Variants in DYTN observed in about 807,000 individuals in gnomAD.
The protein encoded by DYTN is dystrotelin.
DYTN carries 75 observed loss-of-function variants against 69.6 expected under a neutral mutation model. That is an observed-to-expected ratio of 1.08 (90% CI 0.89 to 1.31). The LOEUF is 1.31. DYTN is among the 50% of genes most tolerant of loss of function. DYTN has a pLI of 0.00. For synonymous variants in DYTN, 252 were observed against 249.1 expected, an observed-to-expected ratio of 1.01 and a Z score of -0.11; for missense variants, 726 against 688.4, an observed-to-expected ratio of 1.05 and a Z score of -0.61.
chr2:206,669,984 C>T (rs1574589968), intron 9 of DYTN, among the ~76,000 whole-genome samples: 2 of 152,184 alleles, frequency 1.3e-5, no homozygotes, highest in Admixed American at 1.3e-4. Flanking sequence ...TCAGGGGAAA[C>T]TTCTTACTGG....
intron 9 of DYTN, among the ~76,000 whole-genome samples, chr2:206,679,600 T>C (rs534086901): frequency 2.0e-5 from 3 of 152,344 alleles, no homozygotes; most frequent in Non-Finnish European, 2.9e-5. Context: ...CATTCCTTTA[T>C]TTAAAAACTA....
At chr2:206,717,148 A>G (rs1442815909) in intron 1 of DYTN, among the ~76,000 whole-genome samples, 1 of 152,178 alleles carries the variant, frequency 6.6e-6, no homozygotes, top group Non-Finnish European at 1.5e-5. Context: ...GCAGTTTTAG[A>G]TGCTTAAAGA....
chr2:206,704,941 G>A lies in DYTN; in HGVS notation c.385C>T (p.Leu129Phe). ...GDSPLSKYRA[L>F]FQLYAENSRG... ...CTATTTTCTGCATAGAGTTGAAAAA[G>A]AGCTAGACATGTAGGAGGAACAATC... The change falls in exon 5 of 12, where the codon CTT (leucine) becomes TTT (phenylalanine). Residue 129 changes from leucine (L) to phenylalanine (F), a missense_variant and splice_region_variant. Transcript: ENST00000452335. The A allele has an allele frequency of 6.2e-7, 1 of 1,612,988 alleles. No homozygotes were observed. Among genetic ancestry groups the A allele is most frequent in the Non-Finnish European group, 8.5e-7 (1 of 1,179,288 alleles).
At chr2:206,652,684 T>G (rs1397044708) in intron 11 of DYTN, among the ~76,000 whole-genome samples, 2 of 152,214 alleles carry the variant, frequency 1.3e-5, no homozygotes, top group Non-Finnish European at 2.9e-5. Flanking sequence ...AAAATGACAT[T>G]GCTCAATGTC....
At chr2:206,652,117 G>A (rs890085393) in intron 11 of DYTN, among the ~76,000 whole-genome samples, 196 bp from the exon 12 acceptor site, 1 of 152,212 alleles carries the variant, frequency 6.6e-6, no homozygotes. Flanking sequence ...GTCAGGCATA[G>A]GTTCTTAAGA....
chr2:206,693,895 A>C (rs1389007151), intron 8 of DYTN, among the ~76,000 whole-genome samples: 1 of 152,234 alleles, frequency 6.6e-6, no homozygotes, highest in African/African-American at 2.4e-5. Flanking sequence ...CAAGACTTTT[A>C]GCACTAGGAA....
chr2:206,681,691 T>C lies in DYTN; in HGVS notation c.980+11484A>G, dbSNP rs138172185. Among the ~76,000 whole-genome samples the C allele has an allele frequency of 1.5e-3, 230 of 152,326 alleles. 10 individuals are homozygous for C. In the East Asian group the frequency reaches 0.037, roughly 25 times the overall value. ...GATGGATTATGTTTATTGCTTTGTGTATGTTGAACCAGCCTTGCATCCCAG... is the reference window on the plus strand; with the variant it reads ...GATGGATTATGTTTATTGCTTTGTGCATGTTGAACCAGCCTTGCATCCCAG... On this transcript the variant is annotated intron_variant, in intron 9 of 11. Transcript: ENST00000452335.
chr2:206,693,153 G>T, intron 9 of DYTN, 22 bp downstream of exon 9: 1 of 1,590,298 alleles, frequency 6.3e-7, no homozygotes. Flanking sequence ...TGTGGGATCA[G>T]CCAATCCTCG....
chr2:206,702,416 C>G (rs1384996879), intron 5 of DYTN, among the ~76,000 whole-genome samples: 1 of 152,200 alleles, frequency 6.6e-6, no homozygotes, highest in Admixed American at 6.5e-5. Context: ...AAGTGGCACT[C>G]AGAACCTCTT....
chr2:206,669,144 G>A (rs1284031673), intron 9 of DYTN, among the ~76,000 whole-genome samples: 1 of 152,204 alleles, frequency 6.6e-6, no homozygotes, highest in African/African-American at 2.4e-5. Flanking sequence ...TTCTGTTAAT[G>A]TGTCTGAGAC....
intron 9 of DYTN, among the ~76,000 whole-genome samples, chr2:206,673,470 C>A (rs1699649899): frequency 6.6e-6 from 1 of 152,262 alleles, no homozygotes; most frequent in African/African-American, 2.4e-5. Context: ...ATTGGCCAGG[C>A]TGGTCTCGAA....
chr2:206,675,409 A>G (rs1259344535), intron 9 of DYTN, among the ~76,000 whole-genome samples: 1 of 151,102 alleles, frequency 6.6e-6, no homozygotes, highest in Non-Finnish European at 1.5e-5. Context: ...TTGAGTTTCT[A>G]AAACAATTCA....
intron 5 of DYTN, among the ~76,000 whole-genome samples, chr2:206,700,836 C>T (rs1239007997): frequency 6.6e-6 from 1 of 152,144 alleles, no homozygotes; most frequent in Non-Finnish European, 1.5e-5. Context: ...TGTTCAACTA[C>T]CACTTATGAG....
chr2:206,700,048 G>A lies in DYTN; in HGVS notation c.555+97C>T, dbSNP rs1192026000. 5.1e-6 allele frequency: 8 copies of A among 1,562,948 alleles called. No individual in the cohort carries two copies. The East Asian group carries it at 1.8e-4, about 35-fold the overall frequency. On this transcript the variant is annotated intron_variant, in intron 6 of 11. Transcript: ENST00000452335. ...TAAATTCAGTTATCTGAGATGCTAT[G>A]TGGAGTAATAATAGGTCTGTAATGT...
At chr2:206,689,284 T>G (rs1381247973) in intron 9 of DYTN, among the ~76,000 whole-genome samples, 1 of 152,222 alleles carries the variant, frequency 6.6e-6, no homozygotes, top group African/African-American at 2.4e-5. Flanking sequence ...AATTCAATAT[T>G]ATCACTTGGC....
intron 1 of DYTN, among the ~76,000 whole-genome samples, chr2:206,717,079 A>C (rs73064063): frequency 2.9e-4 from 40 of 137,304 alleles, no homozygotes; most frequent in South Asian, 9.3e-4. Context: ...CACACACACA[A>C]AACAAACTCA....
At chr2:206,680,178 C>T (rs1699735366) in intron 9 of DYTN, among the ~76,000 whole-genome samples, 1 of 152,126 alleles carries the variant, frequency 6.6e-6, no homozygotes, top group Non-Finnish European at 1.5e-5. Flanking sequence ...CAGAAAGCAA[C>T]AGAGGAACAA....
Position 206,707,383 on chromosome 2 carries a change from T to G in DYTN, c.215A>C (p.Lys72Thr), listed in dbSNP as rs1700037734. 1.9e-6 allele frequency: 3 copies of G among 1,613,176 alleles called. No individual in the cohort carries two copies. The highest frequency in any genetic ancestry group is 2.5e-6 in the Non-Finnish European group (3 of 1,179,648). Residue 72 changes from lysine to threonine, a missense_variant, in exon 3 of 12, where the codon AAG becomes ACG. Transcript: ENST00000452335. Reference sequence around the variant, plus strand: ...TTGTCCTGGGTTTTCCTCCCTGGCCTTCTGAAACAGCTCTTGGAGTGCCTG... The same window carrying G: ...TTGTCCTGGGTTTTCCTCCCTGGCCGTCTGAAACAGCTCTTGGAGTGCCTG... The part of the protein sequence containing the change: ...LSQALQELFQ[K>T]AREENPGQVH...
chr2:206,707,825 C>G (rs1700042316), intron 2 of DYTN, among the ~76,000 whole-genome samples: 1 of 152,104 alleles, frequency 6.6e-6, no homozygotes, highest in Non-Finnish European at 1.5e-5. Flanking sequence ...AATACGCTTT[C>G]CAAGAAAGTT....
Sources: gnomAD v4.1 joint callset for allele counts (sites outside exome capture counted in the v4.1 genomes callset) on GRCh38, gnomAD v4.1.1 for gene constraint, MANE v1.5 for transcripts, NCBI Gene and HGNC (gene_info 2026-07-23, HGNC 2026-07-21) for gene names.